Variants in MACROD2 observed in about 807,000 individuals in gnomAD.
The protein encoded by MACROD2 is mono-ADP ribosylhydrolase 2, also known as ADP-ribose glycohydrolase MACROD2.
In MACROD2, 36 loss-of-function variants were observed where a neutral mutation model predicts 70.4. The ratio of observed to expected loss-of-function variants is 0.51; its 90% confidence interval spans 0.39 to 0.68. The LOEUF (loss-of-function observed/expected upper bound fraction) is 0.68. Among genes scored for constraint, MACROD2 ranks in the 30% least tolerant of loss-of-function variants. The probability of loss-of-function intolerance (pLI) is 0.00; values close to 1 mark genes in which losing one functional copy is unlikely to be tolerated. For missense variants in MACROD2, 496 were observed against 538.4 expected (o/e 0.92, Z 0.78); for synonymous variants, 172 against 178.8 (o/e 0.96, Z 0.30).
chr20:15,750,662 T>C (rs2051255663), intron 8 of MACROD2, among the ~76,000 whole-genome samples: 1 of 152,008 alleles, frequency 6.6e-6, no homozygotes, highest in South Asian at 2.1e-4. Context: ...AATATCTACA[T>C]TCCCATGTTT....
chr20:15,511,801 C>A (rs2047503572), intron 8 of MACROD2, among the ~76,000 whole-genome samples: 1 of 152,168 alleles, frequency 6.6e-6, no homozygotes, highest in South Asian at 2.1e-4. Flanking sequence ...GGAGATGTGA[C>A]AATCATTCTG....
At chr20:15,887,615 T>G (rs1393578953) in intron 10 of MACROD2, among the ~76,000 whole-genome samples, 1 of 152,150 alleles carries the variant, frequency 6.6e-6, no homozygotes, top group East Asian at 1.9e-4. Flanking sequence ...AGACAGGAAT[T>G]GGTTGGTTAA....
chr20:14,927,821 A>G (rs1276664085), intron 5 of MACROD2, among the ~76,000 whole-genome samples: 1 of 152,166 alleles, frequency 6.6e-6, no homozygotes, highest in Admixed American at 6.5e-5. Flanking sequence ...TCAGAAGCTT[A>G]TTACTATATG....
At chr20:14,256,930 T>G in intron 3 of MACROD2, among the ~76,000 whole-genome samples, 1 of 152,176 alleles carries the variant, frequency 6.6e-6, no homozygotes, top group South Asian at 2.1e-4. Context: ...CTTCTAATTG[T>G]TTTCATTATT....
At chr20:15,031,941 C>T (rs1363072507) in intron 5 of MACROD2, among the ~76,000 whole-genome samples, 1 of 152,168 alleles carries the variant, frequency 6.6e-6, no homozygotes, top group Non-Finnish European at 1.5e-5. Flanking sequence ...CCAGGCTGTT[C>T]GTGCCCAGGC....
In MACROD2 at chr20:14,305,472, G is replaced by T. The variant is rs1001286581; in HGVS notation, c.272-188007G>T. Among the ~76,000 whole-genome samples, 9 of 152,176 alleles carry T rather than the reference G, an allele frequency of 5.9e-5. No individual in the cohort carries two copies. In the East Asian group the frequency reaches 7.7e-4, roughly 13 times the overall value. On this transcript the variant is annotated intron_variant, in intron 3 of 17. Coordinates refer to ENST00000684519, the MANE Select transcript of MACROD2 (RefSeq NM_001351661.2). Reference sequence around the variant, plus strand: ...AGACTGACTTGGAACAGTATATATAGAGAGAAGAGGGCCTAGAATAGAACC... The same window carrying T: ...AGACTGACTTGGAACAGTATATATATAGAGAAGAGGGCCTAGAATAGAACC...
intron 5 of MACROD2, among the ~76,000 whole-genome samples, chr20:15,035,150 T>A (rs551441648): frequency 6.6e-6 from 1 of 152,174 alleles, no homozygotes; most frequent in East Asian, 1.9e-4. Flanking sequence ...TCCAAGCACT[T>A]TGGGAGGCTG....
chr20:15,824,050 A>G lies in MACROD2; in HGVS notation c.646-38695A>G, dbSNP rs77077397. ...ATTGGATAGACCAGAGGGAGATCCA[A>G]TTAATTGCTGAGCAATTGGTGGCTA... On this transcript the variant is annotated intron_variant, in intron 8 of 17. Transcript: ENST00000684519. Among the ~76,000 whole-genome samples, 965 of 152,326 alleles carry G rather than the reference A, an allele frequency of 6.3e-3. 10 individuals are homozygous for G. The highest frequency in any genetic ancestry group is 0.022 in the African/African-American group (922 of 41,574).
intron 4 of MACROD2, among the ~76,000 whole-genome samples, chr20:14,521,718 A>G (rs1174765736): frequency 6.6e-6 from 1 of 152,118 alleles, no homozygotes; most frequent in African/African-American, 2.4e-5. Context: ...TCACTTCACC[A>G]TGGTTGTCTT....
At chr20:15,994,120 A>G (rs1259984648) in intron 15 of MACROD2, among the ~76,000 whole-genome samples, 2 of 152,150 alleles carry the variant, frequency 1.3e-5, no homozygotes, top group African/African-American at 2.4e-5. Flanking sequence ...TATTTGATAC[A>G]TTTGATAGAC....
chr20:14,437,366 A>T (rs1159028568), intron 3 of MACROD2, among the ~76,000 whole-genome samples: 1 of 152,138 alleles, frequency 6.6e-6, no homozygotes, highest in Non-Finnish European at 1.5e-5. Flanking sequence ...AAGCTGAGGC[A>T]GGTGAGTCAC....
At chr20:15,022,556 T>C (rs2075196402) in intron 5 of MACROD2, among the ~76,000 whole-genome samples, 1 of 152,226 alleles carries the variant, frequency 6.6e-6, no homozygotes, top group Non-Finnish European at 1.5e-5. Flanking sequence ...GACAGTCTCA[T>C]TCCCATTTAA....
At chr20:15,201,121 C>A (rs755870746) in intron 5 of MACROD2, among the ~76,000 whole-genome samples, 5 of 152,078 alleles carry the variant, frequency 3.3e-5, no homozygotes, top group Non-Finnish European at 5.9e-5. Context: ...ACTCAAACTC[C>A]CTGCATCTCG....
intron 2 of MACROD2, among the ~76,000 whole-genome samples, chr20:14,061,457 G>A (rs2053690246): frequency 1.3e-5 from 2 of 152,058 alleles, no homozygotes. Context: ...TGGTGGTTGT[G>A]CATATATTTA....
At chr20:15,461,858 C>T (rs945429370) in intron 7 of MACROD2, among the ~76,000 whole-genome samples, 6 of 152,120 alleles carry the variant, frequency 3.9e-5, no homozygotes, top group Non-Finnish European at 8.8e-5. Flanking sequence ...TTTGTTTATG[C>T]ATTCAAGGTG....
intron 8 of MACROD2, among the ~76,000 whole-genome samples, chr20:15,581,623 A>G (rs1017269550): frequency 6.6e-6 from 1 of 152,142 alleles, no homozygotes; most frequent in African/African-American, 2.4e-5. Context: ...AGAAATCTAA[A>G]TGACTTAAAT....
At chr20:14,071,252 G>GGTTT (rs2053833610) in intron 2 of MACROD2, among the ~76,000 whole-genome samples, 1 of 63,936 alleles carries the variant, frequency 1.6e-5, no homozygotes, top group Non-Finnish European at 2.9e-5. Flanking sequence ...TTCATCTTGT[G>GGTTT]TTTTTTTTTT....
chr20:14,593,487 G>A (rs961229250), intron 4 of MACROD2, among the ~76,000 whole-genome samples: 1 of 152,132 alleles, frequency 6.6e-6, no homozygotes, highest in Non-Finnish European at 1.5e-5. Flanking sequence ...AAACAAACGT[G>A]CTTTGGGAAA....
chr20:15,534,542 A>T (rs561625607), intron 8 of MACROD2, among the ~76,000 whole-genome samples: 4 of 152,134 alleles, frequency 2.6e-5, no homozygotes, highest in African/African-American at 9.7e-5. Flanking sequence ...AAAGTAATTT[A>T]TGCTTTTTTT....
Sources: gnomAD v4.1 joint callset for allele counts (sites outside exome capture counted in the v4.1 genomes callset) on GRCh38, gnomAD v4.1.1 for gene constraint, MANE v1.5 for transcripts, NCBI Gene and HGNC (gene_info 2026-07-23, HGNC 2026-07-21) for gene names.